The following TLK1 variants were observed in gnomAD, a reference collection of about 807,000 sequenced individuals.
TLK1 encodes serine/threonine-protein kinase tousled-like 1.
A neutral mutation model predicts 105.3 loss-of-function variants in TLK1; 24 were observed. The observed-to-expected ratio is 0.23, with a 90% CI of 0.17 to 0.32. The LOEUF (loss-of-function observed/expected upper bound fraction) is 0.32. Among genes scored for constraint, TLK1 ranks in the 10% least tolerant of loss-of-function variants. The pLI is 1.00. For synonymous variants in TLK1, 321 were observed against 310.4 expected (o/e 1.03, Z -0.36); for missense variants, 558 against 910.5 (o/e 0.61, Z 4.98).
At chr2:171,155,329 T>C (rs890356056) in intron 1 of TLK1, among the ~76,000 whole-genome samples, 4 of 152,180 alleles carry the variant, frequency 2.6e-5, no homozygotes, top group African/African-American at 7.2e-5. Context: ...TAAACAGCAT[T>C]TGGTTCTCTA....
At chr2:171,090,184 T>G (rs528090479) in intron 2 of TLK1, among the ~76,000 whole-genome samples, 2 of 152,256 alleles carry the variant, frequency 1.3e-5, no homozygotes, top group East Asian at 3.9e-4. Context: ...TATTTCAACT[T>G]ATATTTTTAT....
chr2:171,194,358 G>A (rs968600231), intron 1 of TLK1, among the ~76,000 whole-genome samples: 3 of 152,214 alleles, frequency 2.0e-5, no homozygotes. Context: ...AGAGAGGAAT[G>A]TAAAGAAATC....
chr2:171,001,621 T>G (rs941823747), intron 18 of TLK1, among the ~76,000 whole-genome samples: 1 of 152,210 alleles, frequency 6.6e-6, no homozygotes, highest in Non-Finnish European at 1.5e-5. Flanking sequence ...AGAGTTACCC[T>G]GTCCCTTCCT....
At chr2:171,017,134 CAT>C (rs1166700086) in intron 12 of TLK1, among the ~76,000 whole-genome samples, 1 of 152,126 alleles carries the variant, frequency 6.6e-6, no homozygotes, top group Non-Finnish European at 1.5e-5. Context: ...AAACTCAAAA[CAT>C]AGCTTAGTTA....
At chr2:171,193,096 A>T (rs1693186122) in intron 1 of TLK1, among the ~76,000 whole-genome samples, 1 of 152,226 alleles carries the variant, frequency 6.6e-6, no homozygotes, top group African/African-American at 2.4e-5. Flanking sequence ...TGTTGAAATT[A>T]GCTCTTTAAA....
At chr2:171,166,095 T>C (rs538066993) in intron 1 of TLK1, among the ~76,000 whole-genome samples, 20 of 152,336 alleles carry the variant, frequency 1.3e-4, no homozygotes, top group African/African-American at 4.6e-4. Context: ...AGAGTAGTTA[T>C]AACTCCTAGG....
rs35238869 is a variant in TLK1, at chr2:171,131,406, C to A, written c.140-13549G>T. On this transcript the variant is annotated intron_variant, in intron 1 of 20. Transcript: ENST00000431350. ...GATTCAAATAAATTGTGGGTCACAT[C>A]ATTCTCGTACCTTTTTTGTATAACT... 1.9e-3 allele frequency among the ~76,000 whole-genome samples: 287 copies of A among 152,280 alleles called. 4 individuals carry two copies. The highest frequency in any genetic ancestry group is 3.2e-3 in the Non-Finnish European group (220 of 68,024).
At chr2:171,009,507 A>G (rs1179741735) in intron 14 of TLK1, among the ~76,000 whole-genome samples, 4 of 151,916 alleles carry the variant, frequency 2.6e-5, no homozygotes, top group Non-Finnish European at 1.5e-5. Context: ...CGGGTTCGCC[A>G]TGTTGCCCAG....
chr2:171,109,952 A>G (rs1690088756), intron 2 of TLK1, among the ~76,000 whole-genome samples: 1 of 152,242 alleles, frequency 6.6e-6, no homozygotes, highest in Non-Finnish European at 1.5e-5. Context: ...TAGTGACAGA[A>G]ATTAGATAAG....
At chr2:171,164,283 A>C (rs1369562660), upstream of TLK1, among the ~76,000 whole-genome samples, 1 of 152,236 alleles carries the variant, frequency 6.6e-6, no homozygotes, top group Non-Finnish European at 1.5e-5. Flanking sequence ...ATGGAATGTC[A>C]TGCCATTATT....
chr2:171,142,446 T>C (rs113613977), intron 1 of TLK1, among the ~76,000 whole-genome samples: 1 of 152,284 alleles, frequency 6.6e-6, no homozygotes, highest in Non-Finnish European at 1.5e-5. Flanking sequence ...AGCTGTAGCA[T>C]GCAAACACCA....
At chr2:171,214,992 G>T (rs1693687388) in intron 1 of TLK1, among the ~76,000 whole-genome samples, 1 of 151,792 alleles carries the variant, frequency 6.6e-6, no homozygotes, top group African/African-American at 2.4e-5. Flanking sequence ...CCAGGCTGGT[G>T]TATAGTCATA....
At chr2:171,055,587 T>C (rs1386054172) in intron 6 of TLK1, among the ~76,000 whole-genome samples, 1 of 152,092 alleles carries the variant, frequency 6.6e-6, no homozygotes, top group Non-Finnish European at 1.5e-5. Flanking sequence ...TATCAATTTA[T>C]CAATGAATTT....
At chr2:171,055,742 C>G (rs1687471080) in intron 6 of TLK1, among the ~76,000 whole-genome samples, 1 of 151,726 alleles carries the variant, frequency 6.6e-6, no homozygotes, top group South Asian at 2.1e-4. Flanking sequence ...CTGAAAGGTA[C>G]AAAATGAGTA....
rs1167883933 is a variant in TLK1, at chr2:171,061,070, T to A, written c.406+11A>T. On this transcript the variant is annotated intron_variant, in intron 4 of 20. Transcript: ENST00000431350. ...TCCACTAGGCTCTGAAGGAAGATGT[T>A]ATGTGCTTACCCTGACTACTTTCAT... 1.2e-6 allele frequency: 2 copies of A among 1,612,606 alleles called. No homozygotes were observed. Among genetic ancestry groups the A allele is most frequent in the Admixed American group, 3.3e-5 (2 of 59,966 alleles).
chr2:171,121,116 G>A (rs954970769), intron 1 of TLK1, among the ~76,000 whole-genome samples: 2 of 152,130 alleles, frequency 1.3e-5, no homozygotes. Flanking sequence ...TTCAGCTGAG[G>A]AAGACAGAAA....
chr2:171,005,217 T>C (rs1469110729), intron 18 of TLK1, among the ~76,000 whole-genome samples: 1 of 152,270 alleles, frequency 6.6e-6, no homozygotes, highest in Non-Finnish European at 1.5e-5. Flanking sequence ...TTATAGTTTA[T>C]GTTCTCCACT....
At chr2:171,181,239 CA>C (rs1003988574) in intron 1 of TLK1, among the ~76,000 whole-genome samples, 8 of 152,138 alleles carry the variant, frequency 5.3e-5, no homozygotes, top group Non-Finnish European at 1.0e-4. Flanking sequence ...ACAAGTGAAA[CA>C]GTGAAACTTG....
intron 2 of TLK1, among the ~76,000 whole-genome samples, chr2:171,115,174 C>CTTTTTTT (rs151300135): frequency 2.2e-5 from 3 of 137,668 alleles, no homozygotes; most frequent in African/African-American, 8.3e-5. Context: ...GAATTTCTTT[C>CTTTTTTT]TTTTTTTTTT....
Sources: gnomAD v4.1 joint callset for allele counts (sites outside exome capture counted in the v4.1 genomes callset) on GRCh38, gnomAD v4.1.1 for gene constraint, MANE v1.5 for transcripts, NCBI Gene and HGNC (gene_info 2026-07-23, HGNC 2026-07-21) for gene names.